B9D1: variants seen among roughly 807,000 people sequenced by gnomAD.
B9D1 encodes B9 domain containing 1.
A neutral mutation model predicts 26.1 loss-of-function variants in B9D1; 20 were observed. The observed-to-expected ratio is 0.77, with a 90% confidence interval of 0.54 to 1.12. B9D1 has a LOEUF of 1.12. Ranked by LOEUF, B9D1 falls within the 50% of genes most tolerant of loss-of-function variation. The pLI, the probability that B9D1 is intolerant of heterozygous loss-of-function variation, is 0.00. For missense variants in B9D1, 260 were observed against 273.7 expected (o/e 0.95, Z 0.35); for synonymous variants, 105 against 103.1 (o/e 1.02, Z -0.11).
chr17:19,360,191 A>G lies in B9D1; in HGVS notation c.132+129T>C, dbSNP rs557588666. Reference sequence around the variant, plus strand: ...TGCTCCCGCTTTACCAGGAACACTCATGTTTGGGTTCCCCTGAACTCAGTC... The same window carrying G: ...TGCTCCCGCTTTACCAGGAACACTCGTGTTTGGGTTCCCCTGAACTCAGTC... On this transcript the variant is annotated intron_variant, in intron 2 of 6. Coordinates refer to ENST00000261499, the MANE Select transcript of B9D1 (RefSeq NM_015681.6). The G allele has an allele frequency of 1.4e-4, 117 of 854,682 alleles. 1 individual carries two copies. The South Asian group carries it at 1.5e-3, about 11-fold the overall frequency. The allele number at this position is 854,682 out of a possible 1,614,324, so 52.9% of individuals were successfully genotyped here. A position where few individuals can be genotyped will look rare whatever the true frequency, so the allele number is the denominator to read the frequency against.
At chr17:19,350,513 A>C (rs1909459877) in intron 3 of B9D1, among the ~76,000 whole-genome samples, 1 of 152,162 alleles carries the variant, frequency 6.6e-6, no homozygotes, top group African/African-American at 2.4e-5. Context: ...ACTGCACTCC[A>C]GCCTGGGAGA....
chr17:19,361,779 G>C (rs1030466762), intron 1 of B9D1, among the ~76,000 whole-genome samples: 3 of 152,208 alleles, frequency 2.0e-5, no homozygotes, highest in African/African-American at 7.2e-5. Context: ...CAACAGCCTG[G>C]AAGGACAGTG....
upstream of B9D1, among the ~76,000 whole-genome samples, chr17:19,363,495 C>T (rs1272394746): frequency 6.6e-6 from 1 of 152,216 alleles, no homozygotes; most frequent in Non-Finnish European, 1.5e-5. Context: ...GAAACAGATT[C>T]AGATGGCAAA....
rs189838587 is a variant in B9D1 at position 19,359,513 on chromosome 17, C to T, written c.132+807G>A. On this transcript the variant is annotated intron_variant, in intron 2 of 6. Coordinates refer to ENST00000261499, the MANE Select transcript of B9D1 (RefSeq NM_015681.6). This position sits in a 1 kb window ranked among gnomAD's most constrained non-coding sequence, Gnocchi z 5.0. Reference sequence around the variant, plus strand: ...AGTTACTTTCTCGGCAAGGCCCTCCCTGGCAGCCTTAGCGAGATCGCAGCC... The same window carrying T: ...AGTTACTTTCTCGGCAAGGCCCTCCTTGGCAGCCTTAGCGAGATCGCAGCC... Among the ~76,000 whole-genome samples, 208 of 152,352 alleles carry T rather than the reference C, an allele frequency of 1.4e-3. No homozygotes were observed. The highest frequency in any genetic ancestry group is 4.6e-3 in the African/African-American group (192 of 41,580).
chr17:19,360,486 C>T lies in B9D1; in HGVS notation c.64-98G>A, dbSNP rs1014032907. On this transcript the variant is annotated intron_variant, in intron 1 of 6. Coordinates refer to ENST00000261499, the MANE Select transcript of B9D1 (RefSeq NM_015681.6). ...GCCAAGGGGAATTCTGAACGTGAGA[C>T]ACCTGGGAGTGGGTCTAAGAGACGG... The T allele has an allele frequency of 3.8e-6, 4 of 1,066,224 alleles. No homozygotes were observed. In the Admixed American group the frequency reaches 6.9e-5, roughly 18 times the overall value. 66.0% of individuals were successfully genotyped at this position (1,066,224 alleles called of 1,614,324 possible).
chr17:19,343,757 G>C (rs898641378), intron 6 of B9D1, 33 bp downstream of exon 6: 2 of 1,613,250 alleles, frequency 1.2e-6, no homozygotes, highest in South Asian at 1.1e-5. Flanking sequence ...ACCTGTATGG[G>C]GGATGGGGGT....
downstream of B9D1, among the ~76,000 whole-genome samples, chr17:19,341,890 G>A (rs542625363): frequency 6.6e-4 from 101 of 152,300 alleles, no homozygotes; most frequent in African/African-American, 2.2e-3. Context: ...GATGGTTGGC[G>A]AAAAGGGGCT....
rs1355462902 is a variant in B9D1 at position 19,362,665 on chromosome 17, G to A, written c.-96C>T. On this transcript the variant is annotated 5_prime_UTR_variant, in exon 1 of 7. Coordinates refer to ENST00000261499, the MANE Select transcript of B9D1 (RefSeq NM_015681.6). ...TAGAAACAGACGGCGTAGCGCGCAG[G>A]ACACGTTTCTTGGCAGCGACACCTT... The A allele has an allele frequency of 1.3e-6, 2 of 1,547,592 alleles. No individual in the cohort carries two copies. Among genetic ancestry groups the A allele is most frequent in the Admixed American group, 3.9e-5 (2 of 51,062 alleles).
intron 3 of B9D1, among the ~76,000 whole-genome samples, chr17:19,350,391 C>T (rs1428338514): frequency 1.3e-5 from 2 of 151,844 alleles, no homozygotes; most frequent in Non-Finnish European, 2.9e-5. Context: ...ACTAAAAATA[C>T]AAAAATTGGC....
chr17:19,345,720 G>A (rs1277979929), intron 5 of B9D1, among the ~76,000 whole-genome samples: 1 of 152,198 alleles, frequency 6.6e-6, no homozygotes. Context: ...GCTGTTTTCA[G>A]CTATCACATT....
chr17:19,368,371 G>A (rs1196606411), intron 1 of B9D1, among the ~76,000 whole-genome samples: 1 of 152,220 alleles, frequency 6.6e-6, no homozygotes, highest in East Asian at 1.9e-4. Context: ...GAAAGTGCTT[G>A]GAGTAGCTTC....
chr17:19,339,977 T>C (rs1369510587), downstream of B9D1, among the ~76,000 whole-genome samples: 1 of 148,080 alleles, frequency 6.8e-6, no homozygotes, highest in East Asian at 2.2e-4. Context: ...CAAGTAAGCG[T>C]GGACCTGCAG....
rs1052070605 is a variant in B9D1, at chr17:19,362,701, A to G, written c.-132T>C. On this transcript the variant is annotated 5_prime_UTR_variant, in exon 1 of 7. Transcript: ENST00000261499. ...TGGCAGCGACACCTTCGCGAAGGCC[A>G]CGCGAGTGCGCGTGTGGCATGCGCA... The G allele has an allele frequency of 8.0e-6, 12 of 1,499,310 alleles. No individual in the cohort carries two copies. In the Admixed American group the frequency reaches 1.2e-4, roughly 15 times the overall value. The allele number at this position is 1,499,310 out of a possible 1,614,324, so 92.9% of individuals were successfully genotyped here. A position where few individuals can be genotyped will look rare whatever the true frequency, so the allele number is the denominator to read the frequency against.
intron 3 of B9D1, among the ~76,000 whole-genome samples, chr17:19,354,811 G>C (rs993084490): frequency 1.3e-4 from 20 of 152,178 alleles, no homozygotes; most frequent in Non-Finnish European, 2.6e-4. Flanking sequence ...CTGGGTGACA[G>C]AGCAAGACTC....
At chr17:19,346,958 T>C (rs3184370) in intron 5 of B9D1, 4 of 1,504,168 alleles carry the variant, frequency 2.7e-6, no homozygotes, top group Middle Eastern at 4.8e-4. Context: ...TATCCTCTTG[T>C]TTCCCACCTT....
chr17:19,373,090 C>G (rs1244282975), intron 1 of B9D1, among the ~76,000 whole-genome samples: 4 of 152,254 alleles, frequency 2.6e-5, no homozygotes, highest in Middle Eastern at 3.4e-3. Context: ...CCTCCCCTCC[C>G]CCACGCTGAG....
chr17:19,339,682 G>A (rs535522702), downstream of B9D1, among the ~76,000 whole-genome samples: 4 of 152,296 alleles, frequency 2.6e-5, no homozygotes, highest in African/African-American at 9.6e-5. Context: ...GCAGTGCTCT[G>A]CAAGCTGGGG....
intron 3 of B9D1, among the ~76,000 whole-genome samples, chr17:19,353,739 G>A (rs555327971): frequency 3.9e-5 from 6 of 152,216 alleles, no homozygotes; most frequent in African/African-American, 7.2e-5. Context: ...TCAGGAGTTC[G>A]AGACCAGCAT....
chr17:19,342,023 CAA>C (rs982744286), downstream of B9D1, among the ~76,000 whole-genome samples: 2 of 152,104 alleles, frequency 1.3e-5, no homozygotes, highest in Non-Finnish European at 2.9e-5. Flanking sequence ...TCACCAGTAA[CAA>C]GAGATATGCC....
Sources: allele counts gnomAD v4.1 joint callset (sites outside exome capture counted in the v4.1 genomes callset), GRCh38; gene constraint gnomAD v4.1.1; non-coding constraint Gnocchi (gnomAD v3.1); transcripts MANE v1.5; gene names NCBI Gene and HGNC (gene_info 2026-07-23, HGNC 2026-07-21).